ANO3: variants seen among roughly 807,000 people sequenced by gnomAD.
ANO3 encodes the protein anoctamin 3.
A neutral mutation model predicts 144.8 loss-of-function variants in ANO3; 99 were observed. The observed-to-expected ratio is 0.68, with a 90% CI of 0.58 to 0.81. ANO3 has a LOEUF of 0.81. Ranked by LOEUF, ANO3 falls within the 30% of genes least tolerant of loss-of-function variation. ANO3 has a pLI of 0.00. For synonymous variants in ANO3, 414 were observed against 392.6 expected (o/e 1.05, Z -0.64); for missense variants, 905 against 1,202.2 (o/e 0.75, Z 3.66).
chr11:26,220,197 A>T (rs1289544130), intron 1 of ANO3, among the ~76,000 whole-genome samples: 2 of 152,170 alleles, frequency 1.3e-5, no homozygotes, highest in Non-Finnish European at 2.9e-5. Context: ...GGAGGTAAAG[A>T]TTGGTCTCAT....
intron 3 of ANO3, among the ~76,000 whole-genome samples, chr11:26,459,002 C>T (rs1257054419): frequency 6.6e-6 from 1 of 152,068 alleles, no homozygotes; most frequent in Non-Finnish European, 1.5e-5. Context: ...AATGGTCAAA[C>T]AGTGATTCTC....
chr11:26,575,620 T>C (rs1004199458), intron 14 of ANO3, among the ~76,000 whole-genome samples: 1 of 152,128 alleles, frequency 6.6e-6, no homozygotes, highest in African/African-American at 2.4e-5. Context: ...TTACGACTAT[T>C]TAAATATATA....
At chr11:26,617,217 C>T (rs1318782852) in intron 17 of ANO3, among the ~76,000 whole-genome samples, 1 of 152,162 alleles carries the variant, frequency 6.6e-6, no homozygotes, top group Admixed American at 6.6e-5. Context: ...CACCTCCTAC[C>T]CTCTTCCTCA....
chr11:26,342,707 T>C lies in ANO3; in HGVS notation c.46+10386T>C, dbSNP rs554235722. On this transcript the variant is annotated intron_variant, in intron 1 of 26. Transcript: ENST00000256737. The stretch of plus-strand genomic sequence containing the variant: ...TATAAAATGCCAGTAGTTCCCGTAC[T>C]CACTCCAAATAAATTAGATTAAAGA... 2.9e-3 allele frequency among the ~76,000 whole-genome samples: 449 copies of C among 152,324 alleles called. 3 individuals carry two copies. The highest frequency in any genetic ancestry group is 0.01 in the African/African-American group (426 of 41,578).
intron 1 of ANO3, among the ~76,000 whole-genome samples, chr11:26,241,613 C>G (rs892048084): frequency 6.6e-6 from 1 of 152,076 alleles, no homozygotes; most frequent in African/African-American, 2.4e-5. Flanking sequence ...AACTTCAGTA[C>G]AGAATAAAAA....
chr11:26,194,440 G>GTGTGTGTGTGTGTGTGTA (rs1554920699), intron 1 of ANO3, among the ~76,000 whole-genome samples: 1 of 26,200 alleles, frequency 3.8e-5, no homozygotes, highest in African/African-American at 1.4e-4. Context: ...GTACATAGTG[G>GTGTGTGTGTGTGTGTGTA]TGTGTGTGTG....
chr11:26,564,276 T>C (rs950289436), intron 14 of ANO3, among the ~76,000 whole-genome samples: 7 of 151,636 alleles, frequency 4.6e-5, no homozygotes, highest in African/African-American at 1.7e-4. Context: ...GATAGTGGTA[T>C]TATAAAAAGC....
chr11:26,529,528 G>A (rs1411697407), intron 7 of ANO3, among the ~76,000 whole-genome samples: 1 of 134,520 alleles, frequency 7.4e-6, no homozygotes, highest in Non-Finnish European at 1.5e-5. Flanking sequence ...AATACTTGCT[G>A]CCTGCCCACT....
intron 14 of ANO3, among the ~76,000 whole-genome samples, chr11:26,575,217 C>G (rs1224978942): frequency 6.6e-6 from 1 of 151,666 alleles, no homozygotes; most frequent in Non-Finnish European, 1.5e-5. Context: ...ATATAACAGT[C>G]TTAGATTTTG....
At chr11:26,365,403 C>G (rs1249303179) in intron 1 of ANO3, among the ~76,000 whole-genome samples, 1 of 149,206 alleles carries the variant, frequency 6.7e-6, no homozygotes, top group African/African-American at 2.4e-5. Flanking sequence ...TAGGCAGTGC[C>G]CTAGTGGGGA....
chr11:26,320,637 T>C (rs991704390), intron 1 of ANO3, among the ~76,000 whole-genome samples: 7 of 152,196 alleles, frequency 4.6e-5, no homozygotes, highest in African/African-American at 1.7e-4. Context: ...AAATGCTGTA[T>C]GGTTTAGTGC....
At chr11:26,283,327 T>C (rs1289706382) in intron 1 of ANO3, among the ~76,000 whole-genome samples, 3,743 of 31,674 alleles carry the variant, frequency 0.12, 265 homozygotes, top group African/African-American at 0.36. Flanking sequence ...AATAAATATA[T>C]ATATATATAT....
intron 1 of ANO3, among the ~76,000 whole-genome samples, chr11:26,378,156 A>G (rs2133946564): frequency 6.6e-6 from 1 of 151,984 alleles, no homozygotes; most frequent in African/African-American, 2.4e-5. Context: ...AAATATAAAC[A>G]ATAATGTATA....
chr11:26,553,003 C>CGCAAGTGTAAAAATGGCCTGTTATCATT (rs1554968937), intron 12 of ANO3, among the ~76,000 whole-genome samples: 6 of 151,596 alleles, frequency 4.0e-5, no homozygotes, highest in African/African-American at 1.5e-4. Context: ...CCATTTATCA[C>CGCAAGTGTAAAAATGGCCTGTTATCATT]ACAATTATCT....
intron 17 of ANO3, among the ~76,000 whole-genome samples, chr11:26,619,297 G>C (rs555395212): frequency 3.3e-4 from 50 of 152,124 alleles, no homozygotes; most frequent in African/African-American, 1.1e-3. Flanking sequence ...GGTGGATCAT[G>C]GCATTCCTAA....
intron 1 of ANO3, among the ~76,000 whole-genome samples, chr11:26,333,567 C>T (rs1360010963): frequency 6.6e-6 from 1 of 152,152 alleles, no homozygotes; most frequent in Non-Finnish European, 1.5e-5. Context: ...CAGGTGTGAG[C>T]CACTGTACCC....
At chr11:26,321,188 C>T (rs963368660) in intron 1 of ANO3, among the ~76,000 whole-genome samples, 1 of 151,928 alleles carries the variant, frequency 6.6e-6, no homozygotes, top group African/African-American at 2.4e-5. Flanking sequence ...GCTTCTATTT[C>T]CCTCCTACTT....
chr11:26,489,060 C>G (rs112491072), intron 4 of ANO3, among the ~76,000 whole-genome samples: 1 of 152,188 alleles, frequency 6.6e-6, no homozygotes, highest in African/African-American at 2.4e-5. Context: ...AAGTGCCCAC[C>G]CGACCCAGAA....
chr11:26,488,164 CA>C, intron 4 of ANO3, among the ~76,000 whole-genome samples: 1 of 151,928 alleles, frequency 6.6e-6, no homozygotes, highest in African/African-American at 2.4e-5. Context: ...GGCTCCATCT[CA>C]AAAAAACAAA....
Sources: allele counts gnomAD v4.1 joint callset (sites outside exome capture counted in the v4.1 genomes callset), GRCh38; gene constraint gnomAD v4.1.1; transcripts MANE v1.5; gene names NCBI Gene and HGNC (gene_info 2026-07-23, HGNC 2026-07-21).